Variants in ZNF385D observed in about 807,000 individuals in gnomAD.
ZNF385D encodes zinc finger protein 659.
Under a neutral mutation model 35.8 loss-of-function variants are expected in ZNF385D, and 15 were observed. The ratio of observed to expected loss-of-function variants is 0.42; its 90% confidence interval spans 0.28 to 0.64. ZNF385D has a LOEUF of 0.64. Ranked by LOEUF, ZNF385D falls within the 30% of genes least tolerant of loss-of-function variation. The probability of loss-of-function intolerance (pLI) is 0.23; values close to 1 mark genes in which losing one functional copy is unlikely to be tolerated. For missense variants in ZNF385D, 474 were observed against 494.6 expected (o/e 0.96, Z 0.39); for synonymous variants, 212 against 186.8 (o/e 1.13, Z -1.10).
At chr3:22,211,751 G>A (rs1697540538) in intron 2 of ZNF385D, among the ~76,000 whole-genome samples, 1 of 151,858 alleles carries the variant, frequency 6.6e-6, no homozygotes, top group Non-Finnish European at 1.5e-5. Flanking sequence ...CAGTCCTGGT[G>A]GTACCTGACT....
intron 3 of ZNF385D, among the ~76,000 whole-genome samples, chr3:22,119,983 T>G (rs1245988538): frequency 9.6e-6 from 1 of 104,384 alleles, no homozygotes; most frequent in East Asian, 3.1e-4. Flanking sequence ...TACTCAATTT[T>G]TTTTCTTTTT....
chr3:21,537,148 T>A (rs975218513), intron 3 of ZNF385D, among the ~76,000 whole-genome samples: 5 of 146,376 alleles, frequency 3.4e-5, no homozygotes, highest in South Asian at 2.3e-4. Context: ...TTTTTTTTTT[T>A]ATGAGATGGA....
chr3:21,848,801 A>G (rs1035134250), intron 3 of ZNF385D, among the ~76,000 whole-genome samples: 8 of 152,090 alleles, frequency 5.3e-5, no homozygotes, highest in South Asian at 2.1e-4. Flanking sequence ...GAATTCCACC[A>G]AACATATAAA....
chr3:21,484,661 C>G (rs545818003), intron 4 of ZNF385D, among the ~76,000 whole-genome samples: 41 of 152,242 alleles, frequency 2.7e-4, no homozygotes, highest in African/African-American at 9.9e-4. Flanking sequence ...TGCATTAGTG[C>G]TGAGCACAAA....
chr3:21,980,839 A>C (rs1694394855), intron 3 of ZNF385D, among the ~76,000 whole-genome samples: 1 of 152,162 alleles, frequency 6.6e-6, no homozygotes, highest in African/African-American at 2.4e-5. Context: ...TTCTTGAGTT[A>C]GTTTGCTAAG....
intron 3 of ZNF385D, among the ~76,000 whole-genome samples, chr3:21,867,465 G>A (rs1697430989): frequency 1.3e-5 from 2 of 152,224 alleles, no homozygotes; most frequent in Admixed American, 1.3e-4. Flanking sequence ...TTAGGAGTCT[G>A]TATTTCAAAG....
intron 2 of ZNF385D, among the ~76,000 whole-genome samples, chr3:22,262,489 A>C (rs533785241): frequency 1.3e-5 from 2 of 152,140 alleles, no homozygotes; most frequent in South Asian, 2.1e-4. Flanking sequence ...AAAAATAGAC[A>C]CAAGTGCCTT....
At chr3:22,153,581 A>G (rs1705403688) in intron 3 of ZNF385D, among the ~76,000 whole-genome samples, 3 of 149,602 alleles carry the variant, frequency 2.0e-5, no homozygotes, top group Non-Finnish European at 4.4e-5. Context: ...CTTGTGTCTC[A>G]GCCTCCTGAG....
intron 2 of ZNF385D, among the ~76,000 whole-genome samples, chr3:22,358,969 A>G (rs1295867493): frequency 1.3e-5 from 2 of 151,542 alleles, no homozygotes; most frequent in South Asian, 2.1e-4. Flanking sequence ...AGCCAGGCCC[A>G]GTACCAAGGA....
chr3:21,768,421 C>T (rs76782746), intron 3 of ZNF385D, among the ~76,000 whole-genome samples: 9,842 of 152,022 alleles, frequency 0.065, 431 homozygotes, highest in Non-Finnish European at 0.096. Flanking sequence ...AGACAACAAT[C>T]ACACTAGCAG....
intron 2 of ZNF385D, among the ~76,000 whole-genome samples, chr3:22,204,954 G>A (rs1325085964): frequency 7.3e-6 from 1 of 136,672 alleles, no homozygotes; most frequent in South Asian, 2.3e-4. Flanking sequence ...TATGTAAAGT[G>A]CTATAAAAGA....
At chr3:22,192,884 T>C (rs547508494) in intron 2 of ZNF385D, among the ~76,000 whole-genome samples, 1 of 152,232 alleles carries the variant, frequency 6.6e-6, no homozygotes, top group African/African-American at 2.4e-5. Flanking sequence ...CTTAAATAAC[T>C]CTGCTAGGTA....
At chr3:22,270,745 C>G (rs1428207983) in intron 2 of ZNF385D, among the ~76,000 whole-genome samples, 1 of 151,700 alleles carries the variant, frequency 6.6e-6, no homozygotes, top group Non-Finnish European at 1.5e-5. Context: ...TGTTATATAC[C>G]TCTTGAATAA....
At chr3:22,371,497 C>T (rs1696903217) in intron 2 of ZNF385D, among the ~76,000 whole-genome samples, 1 of 152,172 alleles carries the variant, frequency 6.6e-6, no homozygotes, top group African/African-American at 2.4e-5. Flanking sequence ...AAATCACAGA[C>T]CAGCTCGGGC....
intron 3 of ZNF385D, among the ~76,000 whole-genome samples, chr3:21,791,720 A>G (rs2946632): frequency 0.75 from 114,534 of 152,128 alleles, 43,536 homozygotes; most frequent in Non-Finnish European, 0.8. Flanking sequence ...CTACATATTA[A>G]GCCTGGATCT....
At chr3:21,973,432 G>C (rs1703392709) in intron 3 of ZNF385D, among the ~76,000 whole-genome samples, 1 of 151,904 alleles carries the variant, frequency 6.6e-6, no homozygotes, top group African/African-American at 2.4e-5. Context: ...CATAATAAAA[G>C]TCATATATGA....
intron 3 of ZNF385D, among the ~76,000 whole-genome samples, chr3:21,769,989 G>T (rs34431593): frequency 6.6e-6 from 1 of 151,998 alleles, no homozygotes; most frequent in Admixed American, 6.6e-5. Flanking sequence ...AATGGGGAAC[G>T]GATTCCCTAT....
intron 2 of ZNF385D, among the ~76,000 whole-genome samples, chr3:22,194,429 T>A (rs943119112): frequency 6.6e-6 from 1 of 151,908 alleles, no homozygotes; most frequent in Non-Finnish European, 1.5e-5. Flanking sequence ...TCATTTTCCC[T>A]CAAATGGCTA....
At chr3:22,241,940 A>G (rs1223238810) in intron 2 of ZNF385D, among the ~76,000 whole-genome samples, 2 of 150,662 alleles carry the variant, frequency 1.3e-5, no homozygotes, top group African/African-American at 4.9e-5. Context: ...AACAGAAGGG[A>G]CAACTACTTT....
Sources: allele counts gnomAD v4.1 joint callset (sites outside exome capture counted in the v4.1 genomes callset), GRCh38; gene constraint gnomAD v4.1.1; transcripts MANE v1.5; gene names NCBI Gene and HGNC (gene_info 2026-07-23, HGNC 2026-07-21).